PPME1: variants seen among roughly 807,000 people sequenced by gnomAD.
PPME1 encodes the protein protein phosphatase methylesterase 1, also known as testicular secretory protein Li 39.
A neutral mutation model predicts 56.9 loss-of-function variants in PPME1; 17 were observed. The observed-to-expected ratio is 0.30, with a 90% CI of 0.20 to 0.45. The LOEUF is 0.45. Ranked by LOEUF, PPME1 falls within the 20% of genes least tolerant of loss-of-function variation. The probability of loss-of-function intolerance (pLI) is 1.00; values close to 1 mark genes in which losing one functional copy is unlikely to be tolerated. For missense variants in PPME1, 357 were observed against 483.2 expected (o/e 0.74, Z 2.45); for synonymous variants, 122 against 156.2 (o/e 0.78, Z 1.63).
At chr11:74,209,187 A>G (rs1858406878) in intron 3 of PPME1, among the ~76,000 whole-genome samples, 1 of 152,138 alleles carries the variant, frequency 6.6e-6, no homozygotes, top group Admixed American at 6.5e-5. Context: ...GCTCACTGCA[A>G]CCTTGACCTC....
At chr11:74,208,744 G>A (rs1858394975) in intron 3 of PPME1, among the ~76,000 whole-genome samples, 1 of 152,206 alleles carries the variant, frequency 6.6e-6, no homozygotes, top group Non-Finnish European at 1.5e-5. Context: ...AGGAAGGAAT[G>A]ATTAACTTGT....
At chr11:74,186,092 A>G (rs1194841248) in intron 1 of PPME1, among the ~76,000 whole-genome samples, 1 of 152,184 alleles carries the variant, frequency 6.6e-6, no homozygotes, top group Non-Finnish European at 1.5e-5. Context: ...GGGAGCTAGG[A>G]TTTTCAAGCA....
chr11:74,189,242 A>G (rs1034720542), intron 1 of PPME1, among the ~76,000 whole-genome samples: 1 of 152,160 alleles, frequency 6.6e-6, no homozygotes, highest in African/African-American at 2.4e-5. Context: ...ATTAAAAAAT[A>G]TAATAAATAA....
chr11:74,171,478 A>T lies in PPME1; in HGVS notation c.57A>T (p.Leu19=). 1 of 1,613,162 alleles carries T rather than the reference A, an allele frequency of 6.2e-7. No individual in the cohort carries two copies. The highest frequency in any genetic ancestry group is 1.3e-5 in the African/African-American group (1 of 74,942). ...HLGRLPSRPP[L]PGSGGSQSGA... The stretch of plus-strand genomic sequence containing the variant: ...GCCGCCTTCCCTCTCGCCCACCTCT[A>T]CCCGGCAGCGGGGGCAGTCAGAGCG... Residue 19 remains leucine, a synonymous_variant, in exon 1 of 14, where the codon CTA becomes CTT. Coordinates refer to ENST00000328257, the MANE Select transcript of PPME1 (RefSeq NM_016147.3).
chr11:74,237,934 G>A (rs561961444), intron 8 of PPME1: 1 of 152,278 alleles, frequency 6.6e-6, no homozygotes, highest in East Asian at 1.9e-4. Context: ...CTAATCAGTA[G>A]TAAAGCATTT....
chr11:74,189,686 A>G (rs1467342601), intron 1 of PPME1, among the ~76,000 whole-genome samples: 5 of 152,216 alleles, frequency 3.3e-5, no homozygotes, highest in African/African-American at 4.8e-5. Context: ...CTGCAGTTGC[A>G]TAGTATTCTG....
chr11:74,253,430 T>C, intron 13 of PPME1, 62 bp from the exon 14 acceptor site: 1 of 1,527,734 alleles, frequency 6.5e-7, no homozygotes, highest in Non-Finnish European at 9.1e-7. Flanking sequence ...AGGATACAGA[T>C]AAGCAAGGGA....
At chr11:74,183,114 T>C (rs748998711) in intron 1 of PPME1, among the ~76,000 whole-genome samples, 1 of 151,202 alleles carries the variant, frequency 6.6e-6, no homozygotes, top group Non-Finnish European at 1.5e-5. Flanking sequence ...CTGGGCAACA[T>C]AGTGAGACCA....
At chr11:74,178,912 G>GTT (rs200830859) in intron 1 of PPME1, among the ~76,000 whole-genome samples, 2 of 142,832 alleles carry the variant, frequency 1.4e-5, no homozygotes, top group Admixed American at 7.0e-5. Context: ...CTACAAAATA[G>GTT]TTTTTTTTTT....
At chr11:74,213,909 C>G (rs1269923431) in intron 3 of PPME1, among the ~76,000 whole-genome samples, 2 of 152,180 alleles carry the variant, frequency 1.3e-5, no homozygotes, top group Admixed American at 1.3e-4. Flanking sequence ...CAATAAATAC[C>G]TAACTCTTCA....
chr11:74,224,857 G>A (rs1363125591), intron 4 of PPME1, among the ~76,000 whole-genome samples: 1 of 149,320 alleles, frequency 6.7e-6, no homozygotes, highest in Non-Finnish European at 1.5e-5. Flanking sequence ...GAGACAATGG[G>A]GTTTTCTAGA....
At position 74,251,659 on chromosome 11, in the gene PPME1, T is replaced by C; in HGVS notation, c.1086T>C (p.Ala362=). ...TCTCCCATTTCCAGGTAGCTGAAGC[T>C]GTTGCCACTTTCCTGATCCGGCACA... The part of the protein sequence containing the change: ...HEDAPDKVAE[A]VATFLIRHRF... The change falls in exon 13 of 14, where the codon GCT becomes GCC. Residue 362 remains alanine, a synonymous_variant. Transcript: ENST00000328257. 6.2e-7 allele frequency: 1 copy of C among 1,613,762 alleles called. No individual in the cohort carries two copies. The highest frequency in any genetic ancestry group is 8.5e-7 in the Non-Finnish European group (1 of 1,179,772).
At chr11:74,188,885 TGTG>T (rs1331660703) in intron 1 of PPME1, among the ~76,000 whole-genome samples, 2 of 152,226 alleles carry the variant, frequency 1.3e-5, no homozygotes, top group East Asian at 1.9e-4. Flanking sequence ...TTATGTTAAT[TGTG>T]GTAATTGATT....
chr11:74,237,839 T>C (rs1254500979), intron 8 of PPME1: 1 of 152,214 alleles, frequency 6.6e-6, no homozygotes, highest in African/African-American at 2.4e-5. Flanking sequence ...AGTAGAAATA[T>C]CAGGCAGTCA....
chr11:74,217,545 A>G (rs1026374545), intron 3 of PPME1, among the ~76,000 whole-genome samples: 34 of 149,796 alleles, frequency 2.3e-4, no homozygotes, highest in African/African-American at 8.4e-4. Context: ...CCGTCTCAAA[A>G]AAAAAAAAAA....
intron 1 of PPME1, among the ~76,000 whole-genome samples, chr11:74,173,215 A>G (rs1350446959): frequency 6.6e-6 from 1 of 152,250 alleles, no homozygotes; most frequent in Non-Finnish European, 1.5e-5. Flanking sequence ...CTGACCCATA[A>G]CATTATTTGG....
chr11:74,238,708 A>G (rs6592550), intron 8 of PPME1: 15,965 of 153,414 alleles, frequency 0.1, 2,188 homozygotes, highest in African/African-American at 0.32. Flanking sequence ...TTGTTCTACT[A>G]TAAGCAGGGT....
intron 1 of PPME1, among the ~76,000 whole-genome samples, chr11:74,175,597 A>G (rs1220673905): frequency 6.6e-6 from 1 of 152,016 alleles, no homozygotes; most frequent in African/African-American, 2.4e-5. Flanking sequence ...CCCAGGCTGA[A>G]GTACAGTGGC....
rs377757323 is a variant in PPME1 at position 74,232,422 on chromosome 11, A to C, written c.644+1420A>C. Among the ~76,000 whole-genome samples the C allele has an allele frequency of 2.6e-5, 4 of 152,360 alleles. No homozygotes were observed. In the South Asian group the frequency reaches 8.3e-4, roughly 32 times the overall value. ...TTTCCTAGGACAAATGGTCTTATGC[A>C]AGAATATGGCTTGTCAGAATGATGT... On this transcript the variant is annotated intron_variant, in intron 7 of 13. Transcript: ENST00000328257.
Sources: gnomAD v4.1 joint callset for allele counts (sites outside exome capture counted in the v4.1 genomes callset) on GRCh38, gnomAD v4.1.1 for gene constraint, MANE v1.5 for transcripts, NCBI Gene and HGNC (gene_info 2026-07-23, HGNC 2026-07-21) for gene names.